STAP1: variants seen among roughly 807,000 people sequenced by gnomAD.
The protein encoded by STAP1 is signal-transducing adaptor protein 1.
STAP1 carries 30 observed loss-of-function variants against 37.8 expected under a neutral mutation model. That is an observed-to-expected ratio of 0.79 (90% CI 0.59 to 1.08). STAP1 has a LOEUF of 1.08. Ranked by LOEUF, STAP1 falls within the 50% of genes least tolerant of loss-of-function variation. The pLI, the probability that STAP1 is intolerant of heterozygous loss-of-function variation, is 0.00. For missense variants in STAP1, 357 were observed against 349.4 expected, an observed-to-expected ratio of 1.02 and a Z score of -0.17; for synonymous variants, 130 against 116.0, an observed-to-expected ratio of 1.12 and a Z score of -0.78.
intron 6 of STAP1, among the ~76,000 whole-genome samples, chr4:67,586,910 T>G (rs1397571220): frequency 1.3e-5 from 2 of 152,164 alleles, no homozygotes; most frequent in Non-Finnish European, 2.9e-5. Context: ...AACACTAGAG[T>G]CAGTATGCAC....
In STAP1 at chr4:67,575,859, G is replaced by C. The variant is rs1193953459; in HGVS notation, c.306+361G>C. On this transcript the variant is annotated intron_variant, in intron 3 of 8. Transcript: ENST00000265404. ...ACTTGTATTAAATAAGATATACTCG[G>C]AGACTTTTCCTGGGAGATTACTGAT... is the stretch of plus-strand genomic sequence containing the variant. Among the ~76,000 whole-genome samples, 5 of 152,118 alleles carry C rather than the reference G, an allele frequency of 3.3e-5. No homozygotes were observed. The East Asian group carries it at 9.6e-4, about 29-fold the overall frequency.
At chr4:67,572,500 T>C (rs1416456212) in intron 2 of STAP1, among the ~76,000 whole-genome samples, 1 of 152,158 alleles carries the variant, frequency 6.6e-6, no homozygotes, top group African/African-American at 2.4e-5. Flanking sequence ...TGTTCTCCAG[T>C]GGTCCAACCC....
intron 1 of STAP1, among the ~76,000 whole-genome samples, chr4:67,561,802 G>A (rs937534403): frequency 6.6e-6 from 1 of 152,010 alleles, no homozygotes; most frequent in Non-Finnish European, 1.5e-5. Flanking sequence ...GGCCGGGAGC[G>A]GTGGCTCATG....
intron 6 of STAP1, 38 bp downstream of exon 6, chr4:67,583,740 A>G: frequency 1.3e-6 from 2 of 1,596,812 alleles, no homozygotes; most frequent in Non-Finnish European, 1.7e-6. Flanking sequence ...AATTTTTAAA[A>G]GCGTGGTATC....
intron 1 of STAP1, among the ~76,000 whole-genome samples, chr4:67,568,664 G>A (rs1409938344): frequency 6.6e-6 from 1 of 152,076 alleles, no homozygotes; most frequent in Non-Finnish European, 1.5e-5. Context: ...ATAAGATTTG[G>A]ATTTTAAAGT....
At chr4:67,591,027 C>A in intron 7 of STAP1, 74 bp downstream of exon 7, 2 of 1,197,496 alleles carry the variant, frequency 1.7e-6, no homozygotes, top group South Asian at 1.4e-5. Context: ...TGGCAAAAAG[C>A]AGCCAAGTTA....
At position 67,575,478 on chromosome 4, in the gene STAP1, A is replaced by T; in HGVS notation, c.286A>T (p.Lys96Ter). 6.2e-7 allele frequency: 1 copy of T among 1,611,046 alleles called. No homozygotes were observed. Among genetic ancestry groups the T allele is most frequent in the Non-Finnish European group, 8.5e-7 (1 of 1,178,806 alleles). Residue 96 changes from lysine (K) to a stop codon, truncating the protein, a stop_gained, in exon 3 of 9, where the codon AAA (lysine) becomes TAA (stop). Transcript: ENST00000265404. LOFTEE classifies it high-confidence loss of function. Reference protein sequence around the residue: ...NCAKFTLVLPKEEVQLKTENT... With the variant: ...NCAKFTLVLP ...TGCGAAATTCACCCTTGTTTTGCCG[A>T]AAGAGGAAGTACAACTGAAGGTGAG...
rs75035055 is a variant in STAP1, at chr4:67,574,056, T to G, written c.193-1329T>G. On this transcript the variant is annotated intron_variant, in intron 2 of 8. Transcript: ENST00000265404. ...TAGGATAGGAATTTCTTAATAGGAT[T>G]GCCATAATCAGTGGTGTGCAGTAAA... is the stretch of plus-strand genomic sequence containing the variant. Among the ~76,000 whole-genome samples the G allele has an allele frequency of 5.9e-3, 902 of 152,214 alleles. 9 individuals carry two copies. The highest frequency in any genetic ancestry group is 0.021 in the African/African-American group (872 of 41,546).
At chr4:67,598,085 A>AG (rs1390313621) in intron 8 of STAP1, among the ~76,000 whole-genome samples, 1 of 152,070 alleles carries the variant, frequency 6.6e-6, no homozygotes, top group Admixed American at 6.6e-5. Context: ...GTGTTGAGGG[A>AG]GGGATCTGGT....
chr4:67,579,100 C>T (rs1206434968), intron 4 of STAP1, among the ~76,000 whole-genome samples: 2 of 152,158 alleles, frequency 1.3e-5, no homozygotes, highest in Non-Finnish European at 2.9e-5. Flanking sequence ...GTGATCCTCC[C>T]ACCTCGGCCT....
At chr4:67,574,123 C>T (rs1318070953) in intron 2 of STAP1, among the ~76,000 whole-genome samples, 5 of 152,014 alleles carry the variant, frequency 3.3e-5, no homozygotes, top group Middle Eastern at 3.4e-3. Flanking sequence ...TATATATATA[C>T]ATAAACTTGT....
rs1057049669 is a variant in STAP1, at chr4:67,607,253, C to T, written c.*896C>T. 6.6e-6 allele frequency: 1 copy of T among 151,972 alleles called. No individual in the cohort carries two copies. The highest frequency in any genetic ancestry group is 2.4e-5 in the African/African-American group (1 of 41,394). The allele number at this position is 151,972 out of a possible 1,614,324, so 9.4% of individuals were successfully genotyped here. On this transcript the variant is annotated 3_prime_UTR_variant, in exon 9 of 9. Coordinates refer to ENST00000265404, the MANE Select transcript of STAP1 (RefSeq NM_012108.4). ...CCATTGACAACTCAAGGAGAGAGGC[C>T]TCGGGGGGAAAAAAAGATCAACCTG...
intron 2 of STAP1, among the ~76,000 whole-genome samples, chr4:67,574,435 G>A (rs1727674623): frequency 6.6e-6 from 1 of 152,108 alleles, no homozygotes; most frequent in Admixed American, 6.6e-5. Flanking sequence ...GTAAAATGAT[G>A]TATGTCAAAA....
At chr4:67,580,059 T>C (rs1727816778) in intron 4 of STAP1, among the ~76,000 whole-genome samples, 2 of 152,128 alleles carry the variant, frequency 1.3e-5, no homozygotes, top group Admixed American at 6.5e-5. Flanking sequence ...GGTTTCATAA[T>C]GTTAGCCAGG....
At chr4:67,564,493 T>A (rs1727421210) in intron 1 of STAP1, among the ~76,000 whole-genome samples, 1 of 152,190 alleles carries the variant, frequency 6.6e-6, no homozygotes, top group Non-Finnish European at 1.5e-5. Flanking sequence ...ATACTAGTTT[T>A]TATACCTTAT....
chr4:67,559,081 A>G (rs1014991130), intron 1 of STAP1, 152 bp downstream of exon 1: 7 of 717,988 alleles, frequency 9.7e-6, no homozygotes, highest in Non-Finnish European at 1.4e-5. Context: ...CCAATTTTTC[A>G]TAATTTAAAT....
At chr4:67,589,452 G>C (rs1000956736) in intron 6 of STAP1, among the ~76,000 whole-genome samples, 2 of 152,156 alleles carry the variant, frequency 1.3e-5, no homozygotes, top group African/African-American at 4.8e-5. Flanking sequence ...AGAGTCCCCT[G>C]AATAGAAGAC....
intron 2 of STAP1, 78 bp from the exon 3 acceptor site, chr4:67,575,307 T>A: frequency 1.1e-6 from 1 of 881,726 alleles, no homozygotes; most frequent in East Asian, 2.9e-5. Flanking sequence ...AGGAAGATAT[T>A]ACTTATTTTG....
At chr4:67,577,943 C>T (rs904582643) in intron 4 of STAP1, among the ~76,000 whole-genome samples, 1 of 152,106 alleles carries the variant, frequency 6.6e-6, no homozygotes, top group African/African-American at 2.4e-5. Flanking sequence ...GCCACTGTGC[C>T]CGGCCTCTGA....
Sources: allele counts gnomAD v4.1 joint callset (sites outside exome capture counted in the v4.1 genomes callset), GRCh38; gene constraint gnomAD v4.1.1; transcripts MANE v1.5; gene names NCBI Gene and HGNC (gene_info 2026-07-23, HGNC 2026-07-21).